CACNA1I: variants seen among roughly 807,000 people sequenced by gnomAD.
The protein encoded by CACNA1I is calcium voltage-gated channel subunit alpha1 I.
CACNA1I carries 74 observed loss-of-function variants against 201.6 expected under a neutral mutation model. The ratio of observed to expected loss-of-function variants is 0.37; its 90% CI spans 0.30 to 0.45. The LOEUF (loss-of-function observed/expected upper bound fraction) is 0.45, where lower values mean the gene tolerates loss of function less well. Among genes scored for constraint, CACNA1I ranks in the 20% least tolerant of loss-of-function variants. CACNA1I has a pLI of 1.00. For synonymous variants in CACNA1I, 1,431 were observed against 1,345.2 expected, an observed-to-expected ratio of 1.06 and a Z score of -1.40; for missense variants, 2,346 against 3,138.1, an observed-to-expected ratio of 0.75 and a Z score of 6.03.
Position 39,598,250 on chromosome 22 carries a change from C to T in CACNA1I, c.336C>T (p.Cys112=). The T allele has an allele frequency of 1.3e-6, 2 of 1,591,096 alleles. No homozygotes were observed. Among genetic ancestry groups the T allele is most frequent in the Non-Finnish European group, 1.7e-6 (2 of 1,169,202 alleles). Residue 112 remains cysteine, a synonymous_variant, in exon 2 of 37, where the codon TGC becomes TGT. Coordinates refer to ENST00000402142, the MANE Select transcript of CACNA1I (RefSeq NM_021096.4). ...ACATGGACTGCCTGTCCGACCGCTG[C>T]AAGATCCTGCAGGTGAGCCGGCCGC... ...CDDMDCLSDR[C]KILQVFDDFI...
At chr22:39,674,134 G>A (rs761869283) in intron 29 of CACNA1I, 101 bp downstream of exon 29, 9 of 1,127,524 alleles carry the variant, frequency 8.0e-6, no homozygotes, top group Middle Eastern at 3.9e-4. Flanking sequence ...ACATCTGCCA[G>A]AGCCAGGGCA....
rs1369906368 is a variant in CACNA1I, at chr22:39,676,408, G to T, written c.4855-933G>T. On this transcript the variant is annotated intron_variant, in intron 29 of 36. Transcript: ENST00000402142. This position sits in a 1 kb window ranked among gnomAD's most constrained non-coding sequence, Gnocchi z 4.8. ...GAAACTCGAGGAGTGGTGATTAATG[G>T]GGTTTACTTTTCAGCAGTTAACGTG... Among the ~76,000 whole-genome samples, 4 of 152,208 alleles carry T rather than the reference G, an allele frequency of 2.6e-5. No homozygotes were observed. The highest frequency in any genetic ancestry group is 5.9e-5 in the Non-Finnish European group (4 of 68,034).
chr22:39,646,947 C>A (rs544519755), intron 8 of CACNA1I, 66 bp downstream of exon 8: 1 of 1,441,544 alleles, frequency 6.9e-7, no homozygotes. Context: ...CTTTCCAGCA[C>A]GTCCAGCAGG....
chr22:39,620,085 A>G (rs1266248395), intron 4 of CACNA1I, among the ~76,000 whole-genome samples: 2 of 94,554 alleles, frequency 2.1e-5, no homozygotes, highest in Non-Finnish European at 4.1e-5. Context: ...CCACCTGTCC[A>G]CCCACCCACC....
chr22:39,639,322 T>A (rs915228509), intron 5 of CACNA1I, among the ~76,000 whole-genome samples: 1 of 152,370 alleles, frequency 6.6e-6, no homozygotes, highest in Admixed American at 6.5e-5. Flanking sequence ...ATATTTTGTC[T>A]CAGTGAAATT....
rs545460489 is a variant in CACNA1I at position 39,672,195 on chromosome 22, A to G, written c.4540-4A>G. 6.3e-6 allele frequency: 10 copies of G among 1,598,478 alleles called. No homozygotes were observed. The East Asian group carries it at 6.7e-5, about 11-fold the overall frequency. Reference sequence around the variant, plus strand: ...GGATCATGCTTCTCTTTGTTCCTCCATAGTCCCTGGAGACAGCCCTCAAGT... The same window carrying G: ...GGATCATGCTTCTCTTTGTTCCTCCGTAGTCCCTGGAGACAGCCCTCAAGT... On this transcript the variant is annotated splice_polypyrimidine_tract_variant and splice_region_variant and intron_variant, in intron 26 of 36. Transcript: ENST00000402142.
chr22:39,659,514 C>A lies in CACNA1I; in HGVS notation c.2412C>A (p.Phe804Leu). ...TGDTVPDRKN[F>L]DSLLWAIVTV... ...ACACGGTGCCCGACAGGAAGAACTTCGACTCCCTGCTGTGGGCCATCGTCA... is the reference window on the plus strand; with the variant it reads ...ACACGGTGCCCGACAGGAAGAACTTAGACTCCCTGCTGTGGGCCATCGTCA... The change falls in exon 13 of 37, where the codon TTC (phenylalanine) becomes TTA (leucine). Residue 804 changes from phenylalanine (F) to leucine (L), a missense_variant. Phe to Leu is a conservative substitution (Grantham distance 22). Coordinates refer to ENST00000402142, the MANE Select transcript of CACNA1I (RefSeq NM_021096.4). This position sits in a 1 kb window ranked among gnomAD's most constrained non-coding sequence, Gnocchi z 4.3. 1 of 1,598,094 alleles carries A rather than the reference C, an allele frequency of 6.3e-7. No homozygotes were observed. The highest frequency in any genetic ancestry group is 1.7e-5 in the Admixed American group (1 of 57,310).
chr22:39,644,357 G>C (rs539095127), intron 7 of CACNA1I, among the ~76,000 whole-genome samples: 1 of 152,334 alleles, frequency 6.6e-6, no homozygotes, highest in South Asian at 2.1e-4. Context: ...CCTTGCTCCT[G>C]GGCTCTCAGG....
At position 39,672,112 on chromosome 22, in the gene CACNA1I, C is replaced by T. The variant is rs947634865; in HGVS notation, c.4540-87C>T. 22 of 778,366 alleles carry T rather than the reference C, an allele frequency of 2.8e-5. No individual in the cohort carries two copies. In the African/African-American group the frequency reaches 3.1e-4, roughly 11 times the overall value. 48.2% of individuals were successfully genotyped at this position (778,366 alleles called of 1,614,324 possible). A position where few individuals can be genotyped will look rare whatever the true frequency, so the allele number is the denominator to read the frequency against. On this transcript the variant is annotated intron_variant, in intron 26 of 36. Coordinates refer to ENST00000402142, the MANE Select transcript of CACNA1I (RefSeq NM_021096.4). ...TAAAAGTAAATGGACTAAATTCTCT[C>T]CTTAAAAGGCAGAGACTTTCTGAGT... is the stretch of plus-strand genomic sequence containing the variant.
In CACNA1I at chr22:39,652,595, A is replaced by G. The variant is rs557554188; in HGVS notation, c.1992+2670A>G. Among the ~76,000 whole-genome samples the G allele has an allele frequency of 2.0e-5, 3 of 152,256 alleles. No homozygotes were observed. In the South Asian group the frequency reaches 6.2e-4, roughly 32 times the overall value. On this transcript the variant is annotated intron_variant, in intron 10 of 36. Coordinates refer to ENST00000402142, the MANE Select transcript of CACNA1I (RefSeq NM_021096.4). ...ACTGCTCAGAGAGCAAATAGATCAC[A>G]TAACGTTTGGGTTTCAATCCTGGTT...
At chr22:39,681,332 G>A (rs977681616) in intron 34 of CACNA1I, among the ~76,000 whole-genome samples, 2 of 152,112 alleles carry the variant, frequency 1.3e-5, no homozygotes, top group African/African-American at 2.4e-5. Flanking sequence ...TCCATTCCAC[G>A]GGGGGTCATC....
chr22:39,677,777 C>T lies in CACNA1I; in HGVS notation c.4934-210C>T, dbSNP rs984607170. Among the ~76,000 whole-genome samples the T allele has an allele frequency of 1.3e-5, 2 of 152,188 alleles. No homozygotes were observed. The highest frequency in any genetic ancestry group is 2.4e-5 in the African/African-American group (1 of 41,458). Reference sequence around the variant, plus strand: ...CCCTCTTTCTCAGAAACCCATTCTTCGGCGGGGAGCAGAGCCAGACTCACC... The same window carrying T: ...CCCTCTTTCTCAGAAACCCATTCTTTGGCGGGGAGCAGAGCCAGACTCACC... On this transcript the variant is annotated intron_variant, in intron 30 of 36. Transcript: ENST00000402142. The surrounding 1 kb of genome is among the most constrained non-coding windows in gnomAD (Gnocchi z 4.8).
chr22:39,598,941 G>GTTTTTTTTTTTTTT, intron 2 of CACNA1I, among the ~76,000 whole-genome samples: 1 of 68,242 alleles, frequency 1.5e-5, no homozygotes, highest in Non-Finnish European at 2.5e-5. Context: ...TGCCTCTTGG[G>GTTTTTTTTTTTTTT]TTTTTTTTTT....
At chr22:39,683,593 C>A (rs1438934045) in intron 35 of CACNA1I, among the ~76,000 whole-genome samples, 3 of 152,198 alleles carry the variant, frequency 2.0e-5, no homozygotes, top group Non-Finnish European at 1.5e-5. Flanking sequence ...GCATAGGAAC[C>A]CCAGCCAGGA....
In CACNA1I at chr22:39,609,687, G is replaced by T. The variant is rs145212819; in HGVS notation, c.482+9034G>T. Among the ~76,000 whole-genome samples, 155 of 152,340 alleles carry T rather than the reference G, an allele frequency of 1.0e-3. 5 individuals are homozygous for T. In the East Asian group the frequency reaches 0.016, roughly 16 times the overall value. On this transcript the variant is annotated intron_variant, in intron 3 of 36. Coordinates refer to ENST00000402142, the MANE Select transcript of CACNA1I (RefSeq NM_021096.4). The stretch of plus-strand genomic sequence containing the variant: ...GGACACCTGAGTGGCAGCAAGGCTA[G>T]GAAAGCAGAAAGCATCATTGAACTT...
intron 4 of CACNA1I, among the ~76,000 whole-genome samples, chr22:39,628,637 G>A (rs1478136029): frequency 2.6e-5 from 4 of 152,116 alleles, no homozygotes; most frequent in African/African-American, 7.2e-5. Context: ...GCCTTGGGCC[G>A]GCAGCTGTGA....
intron 15 of CACNA1I, 78 bp from the exon 16 acceptor site, chr22:39,661,026 TTGTC>T (rs1934988756): frequency 1.5e-5 from 17 of 1,113,898 alleles, no homozygotes; most frequent in Non-Finnish European, 2.1e-5. Context: ...CCTTCCTTGT[TTGTC>T]TGTCTCGTGG....
chr22:39,579,071 G>A (rs1308307867), intron 1 of CACNA1I, among the ~76,000 whole-genome samples: 3 of 152,226 alleles, frequency 2.0e-5, no homozygotes, highest in Non-Finnish European at 2.9e-5. Context: ...TTTGCTGCTA[G>A]CTTTGTCCCC....
intron 1 of CACNA1I, among the ~76,000 whole-genome samples, chr22:39,581,405 G>A (rs949553151): frequency 1.3e-5 from 2 of 152,174 alleles, no homozygotes; most frequent in Non-Finnish European, 1.5e-5. Flanking sequence ...GGAAGACTGC[G>A]AGGGGAGGCA....
Sources: gnomAD v4.1 joint callset for allele counts (sites outside exome capture counted in the v4.1 genomes callset) on GRCh38, gnomAD v4.1.1 for gene constraint, Gnocchi (gnomAD v3.1) non-coding constraint, MANE v1.5 for transcripts, NCBI Gene and HGNC (gene_info 2026-07-23, HGNC 2026-07-21) for gene names.